Variants in WWOX observed in about 807,000 individuals in gnomAD.
The protein encoded by WWOX is WW domain-containing oxidoreductase.
Under a neutral mutation model 46.2 loss-of-function variants are expected in WWOX, and 69 were observed. The ratio of observed to expected loss-of-function variants is 1.49; its 90% CI spans 1.23 to 1.82. WWOX has a LOEUF of 1.82. Ranked by LOEUF, WWOX falls within the 40% of genes most tolerant of loss-of-function variation. The pLI is 0.00. For missense variants in WWOX, 919 were observed against 542.6 expected (o/e 1.69, Z -6.89); for synonymous variants, 359 against 202.6 (o/e 1.77, Z -6.56).
Position 78,711,305 on chromosome 16 carries a change from A to G in WWOX, c.1056+278553A>G, listed in dbSNP as rs913235763. Among the ~76,000 whole-genome samples the G allele has an allele frequency of 5.9e-5, 9 of 152,352 alleles. No homozygotes were observed. In the East Asian group the frequency reaches 1.7e-3, roughly 29 times the overall value. ...ATCACTTTCCCTTTTGAAGACATTT[A>G]CTATTTCTATGGTTTGTTTAGCAAC... On this transcript the variant is annotated intron_variant, in intron 8 of 8. Transcript: ENST00000566780.
At chr16:78,774,462 T>C (rs1330543454) in intron 8 of WWOX, among the ~76,000 whole-genome samples, 1 of 152,126 alleles carries the variant, frequency 6.6e-6, no homozygotes, top group East Asian at 1.9e-4. Flanking sequence ...GTGTCTCATG[T>C]CATTTTTTCG....
intron 8 of WWOX, among the ~76,000 whole-genome samples, chr16:79,188,987 A>T (rs555671194): frequency 3.9e-5 from 6 of 152,200 alleles, no homozygotes; most frequent in African/African-American, 1.4e-4. Flanking sequence ...ATATTGTGAC[A>T]CATAGTGGAA....
intron 8 of WWOX, among the ~76,000 whole-genome samples, chr16:79,196,804 A>G (rs16949904): frequency 0.022 from 3,394 of 152,250 alleles, 135 homozygotes; most frequent in African/African-American, 0.077. Flanking sequence ...AAGGATACAG[A>G]GCTCAAAGGG....
chr16:78,677,122 T>A (rs2047620116), intron 8 of WWOX, among the ~76,000 whole-genome samples: 1 of 152,066 alleles, frequency 6.6e-6, no homozygotes, highest in South Asian at 2.1e-4. Flanking sequence ...ATATTGCATC[T>A]ACACATAAGG....
At chr16:78,372,084 G>T (rs1259329347) in intron 5 of WWOX, among the ~76,000 whole-genome samples, 1 of 152,172 alleles carries the variant, frequency 6.6e-6, no homozygotes, top group Non-Finnish European at 1.5e-5. Flanking sequence ...TTGTGAAGGA[G>T]ACTGGGCAAT....
At chr16:78,244,389 C>T (rs1277921974) in intron 5 of WWOX, among the ~76,000 whole-genome samples, 1 of 151,896 alleles carries the variant, frequency 6.6e-6, no homozygotes, top group Non-Finnish European at 1.5e-5. Context: ...CTGTATGACT[C>T]CTGCTGATGA....
intron 8 of WWOX, among the ~76,000 whole-genome samples, chr16:78,893,025 C>T (rs1233386967): frequency 1.3e-5 from 2 of 152,114 alleles, no homozygotes; most frequent in Admixed American, 6.6e-5. Flanking sequence ...TCTCTGGTAG[C>T]AGAGCAGGGG....
chr16:78,747,166 G>C (rs188255783), intron 8 of WWOX, among the ~76,000 whole-genome samples: 7 of 151,200 alleles, frequency 4.6e-5, no homozygotes, highest in Admixed American at 3.3e-4. Context: ...CCTGGGAAGA[G>C]TGGTGGGGGG....
chr16:79,194,995 G>C (rs1040214939), intron 8 of WWOX, among the ~76,000 whole-genome samples: 1 of 152,150 alleles, frequency 6.6e-6, no homozygotes, highest in African/African-American at 2.4e-5. Context: ...CGCCACTGCT[G>C]TCTTCTGCTG....
Position 78,694,043 on chromosome 16 carries a change from C to A in WWOX, c.1056+261291C>A, listed in dbSNP as rs560628669. On this transcript the variant is annotated intron_variant, in intron 8 of 8. Coordinates refer to ENST00000566780, the MANE Select transcript of WWOX (RefSeq NM_016373.4). ...AGGTCAGAGTTCAAGACCAGCCTGGCCAACATGGTGAAACCCTGTTTCTAC... is the reference window on the plus strand; with the variant it reads ...AGGTCAGAGTTCAAGACCAGCCTGGACAACATGGTGAAACCCTGTTTCTAC... Among the ~76,000 whole-genome samples the A allele has an allele frequency of 9.2e-5, 14 of 152,116 alleles. No homozygotes were observed. In the East Asian group the frequency reaches 2.7e-3, roughly 30 times the overall value.
chr16:78,528,205 A>C, intron 8 of WWOX, among the ~76,000 whole-genome samples: 1 of 116,094 alleles, frequency 8.6e-6, no homozygotes, highest in East Asian at 2.4e-4. Flanking sequence ...TAGTCGAGAC[A>C]GGGTTTCACC....
In WWOX at chr16:78,613,758, A is replaced by G. The variant is rs115606864; in HGVS notation, c.1056+181006A>G. Among the ~76,000 whole-genome samples the G allele has an allele frequency of 3.2e-3, 481 of 152,326 alleles. 2 individuals are homozygous for G. The highest frequency in any genetic ancestry group is 0.011 in the African/African-American group (452 of 41,580). ...CGAGAATGCTTTCCAAAATGGGAAC[A>G]AGATCCCAACCCCTTATCAGAAACT... On this transcript the variant is annotated intron_variant, in intron 8 of 8. Coordinates refer to ENST00000566780, the MANE Select transcript of WWOX (RefSeq NM_016373.4).
At chr16:78,759,011 C>T (rs2049726412) in intron 8 of WWOX, among the ~76,000 whole-genome samples, 1 of 151,564 alleles carries the variant, frequency 6.6e-6, no homozygotes, top group Admixed American at 6.6e-5. Context: ...TTCGAAGCTC[C>T]TGATGTCTAG....
chr16:78,785,474 A>T (rs371465735), intron 8 of WWOX, among the ~76,000 whole-genome samples: 1 of 152,176 alleles, frequency 6.6e-6, no homozygotes, highest in South Asian at 2.1e-4. Flanking sequence ...AAAACAAACA[A>T]ACACATTGTG....
At chr16:78,362,452 A>G (rs2081431179) in intron 5 of WWOX, among the ~76,000 whole-genome samples, 1 of 152,156 alleles carries the variant, frequency 6.6e-6, no homozygotes, top group Non-Finnish European at 1.5e-5. Context: ...CCTATTAAAA[A>G]TACAAAAATT....
chr16:78,367,534 A>T (rs1449570637), intron 5 of WWOX, among the ~76,000 whole-genome samples: 1 of 152,204 alleles, frequency 6.6e-6, no homozygotes, highest in Admixed American at 6.5e-5. Flanking sequence ...CCCTGGGAAT[A>T]AAACAGAAAA....
chr16:78,935,297 A>C (rs886381727), intron 8 of WWOX, among the ~76,000 whole-genome samples: 24 of 152,324 alleles, frequency 1.6e-4, no homozygotes, highest in African/African-American at 4.6e-4. Context: ...ATAAAGACAC[A>C]TGCACATGTA....
At chr16:78,763,444 G>C (rs1348724315) in intron 8 of WWOX, among the ~76,000 whole-genome samples, 1 of 152,194 alleles carries the variant, frequency 6.6e-6, no homozygotes, top group Non-Finnish European at 1.5e-5. Context: ...ACCTCAAGTA[G>C]TTTATAGTCC....
At chr16:78,826,817 C>G (rs1039969865) in intron 8 of WWOX, among the ~76,000 whole-genome samples, 1 of 152,170 alleles carries the variant, frequency 6.6e-6, no homozygotes, top group Non-Finnish European at 1.5e-5. Context: ...GTCACAGCCA[C>G]CCCTCTCACC....
Sources: allele counts gnomAD v4.1 joint callset (sites outside exome capture counted in the v4.1 genomes callset), GRCh38; gene constraint gnomAD v4.1.1; transcripts MANE v1.5; gene names NCBI Gene and HGNC (gene_info 2026-07-23, HGNC 2026-07-21).